The following SEL1L3 variants were observed in gnomAD, a reference collection of about 807,000 sequenced individuals.
SEL1L3 encodes the protein SEL1L family member 3, also known as protein sel-1 homolog 3.
In SEL1L3, 76 loss-of-function variants were observed where a neutral mutation model predicts 142.8. The ratio of observed to expected loss-of-function variants is 0.53; its 90% CI spans 0.44 to 0.64. The LOEUF is 0.64. Among genes scored for constraint, SEL1L3 ranks in the 30% least tolerant of loss-of-function variants. The pLI, the probability that SEL1L3 is intolerant of heterozygous loss-of-function variation, is 0.00. For synonymous variants in SEL1L3, 504 were observed against 519.6 expected (o/e 0.97, Z 0.41); for missense variants, 1,262 against 1,381.7 (o/e 0.91, Z 1.37).
chr4:25,768,089 C>T (rs759018541), intron 17 of SEL1L3, among the ~76,000 whole-genome samples: 1 of 152,164 alleles, frequency 6.6e-6, no homozygotes, highest in South Asian at 2.1e-4. Flanking sequence ...AAGGGCATGT[C>T]GGATGTTGGC....
At chr4:25,770,714 T>C (rs1719101842) in intron 17 of SEL1L3, among the ~76,000 whole-genome samples, 2 of 125,976 alleles carry the variant, frequency 1.6e-5, no homozygotes. Context: ...TACTCCAGCC[T>C]GGGCAACAGA....
intron 23 of SEL1L3, among the ~76,000 whole-genome samples, chr4:25,755,009 A>G (rs1370729749): frequency 1.3e-5 from 2 of 152,130 alleles, no homozygotes; most frequent in African/African-American, 4.8e-5. Flanking sequence ...GATGACAATC[A>G]CTGTTTTAAA....
At chr4:25,740,046 G>A in the SEL1L3 span, among the ~76,000 whole-genome samples, 17 of 150,140 alleles carry the variant, frequency 1.1e-4, no homozygotes, top group African/African-American at 3.2e-4. Flanking sequence ...GATCCTCCCC[G>A]CTCAGCCTCC....
chr4:25,769,252 AG>A (rs1187146999), intron 17 of SEL1L3, among the ~76,000 whole-genome samples: 1 of 152,234 alleles, frequency 6.6e-6, no homozygotes, highest in Non-Finnish European at 1.5e-5. Context: ...AGCTTCTGGC[AG>A]GCAATCCCTT....
intron 4 of SEL1L3, 87 bp from the exon 5 acceptor site, chr4:25,833,197 A>G: frequency 1.2e-6 from 1 of 839,742 alleles, no homozygotes. Context: ...AATTGTCCTA[A>G]GAAGCTACAA....
In SEL1L3 at chr4:25,819,862, T is replaced by C. The variant is rs767070478; in HGVS notation, c.1369A>G (p.Ile457Val). 28 of 1,613,602 alleles carry C rather than the reference T, an allele frequency of 1.7e-5. No homozygotes were observed. Among genetic ancestry groups the C allele is most frequent in the East Asian group, 1.6e-4 (7 of 44,882 alleles). Residue 457 changes from isoleucine (I) to valine (V), a missense_variant, in exon 8 of 24, where the codon ATA becomes GTA. Around this residue, in one of 3 missense-constraint regions of SEL1L3, gnomAD observed 689 missense variants for 692.8 expected, o/e 0.99. Coordinates refer to ENST00000399878, the MANE Select transcript of SEL1L3 (RefSeq NM_015187.5). ...YYERCAEVQE[I>V]VSVYASAAKH... The stretch of plus-strand genomic sequence containing the variant: ...GCTGCAGATGCATACACAGATACTA[T>C]TTCTTGAACCTCAGCACACCTTTCA...
At chr4:25,784,525 G>A (rs1711648685) in intron 13 of SEL1L3, among the ~76,000 whole-genome samples, 1 of 152,168 alleles carries the variant, frequency 6.6e-6, no homozygotes, top group Non-Finnish European at 1.5e-5. Context: ...AGCAGTAATC[G>A]CTGTGTCAGT....
chr4:25,825,666 ATTTTTTTT>A (rs33997941), intron 6 of SEL1L3, among the ~76,000 whole-genome samples: 9 of 74,052 alleles, frequency 1.2e-4, no homozygotes, highest in Admixed American at 1.1e-3. Context: ...TCTAAATTCT[ATTTTTTTT>A]TTTTTTTTTT....
At chr4:25,739,283 G>A in the SEL1L3 span, among the ~76,000 whole-genome samples, 1 of 152,160 alleles carries the variant, frequency 6.6e-6, no homozygotes, top group East Asian at 1.9e-4. Flanking sequence ...AACTGAGTGG[G>A]TGCTACTGGT....
At chr4:25,756,170 A>G (rs1560276038) in intron 23 of SEL1L3, 1 of 985,326 alleles carries the variant, frequency 1.0e-6, no homozygotes, top group African/African-American at 1.7e-5. Flanking sequence ...TGCCATGTCC[A>G]GTCCTAATCT....
chr4:25,848,018 T>G (rs776157186), intron 1 of SEL1L3, among the ~76,000 whole-genome samples, 154 bp from the exon 2 acceptor site: 1 of 152,136 alleles, frequency 6.6e-6, no homozygotes, highest in Non-Finnish European at 1.5e-5. Flanking sequence ...AAACCACTAC[T>G]GAAGAATTGG....
At chr4:25,783,110 A>G (rs7667794) in intron 14 of SEL1L3, among the ~76,000 whole-genome samples, 37,179 of 152,198 alleles carry the variant, frequency 0.24, 4,686 homozygotes, top group Admixed American at 0.33. Context: ...TCAATTCACT[A>G]CTAGGATGGC....
chr4:25,719,092 T>A, the SEL1L3 span: 1 of 152,202 alleles, frequency 6.6e-6, no homozygotes, highest in African/African-American at 2.4e-5. Flanking sequence ...AAGAGAATCG[T>A]TTGAACCCGG....
At chr4:25,784,207 C>G (rs1454040499) in intron 14 of SEL1L3, 21 bp downstream of exon 14, 4 of 1,599,862 alleles carry the variant, frequency 2.5e-6, no homozygotes, top group Non-Finnish European at 3.4e-6. Context: ...CTGTTTCCCT[C>G]TGACAATATG....
chr4:25,774,310 G>A (rs1719447615), intron 17 of SEL1L3, among the ~76,000 whole-genome samples: 1 of 152,088 alleles, frequency 6.6e-6, no homozygotes, highest in Non-Finnish European at 1.5e-5. Context: ...GAAACCTGTG[G>A]CCAGGCAACC....
chr4:25,714,810 G>A, the SEL1L3 span, among the ~76,000 whole-genome samples: 5 of 151,926 alleles, frequency 3.3e-5, no homozygotes, highest in Non-Finnish European at 5.9e-5. Flanking sequence ...GGCCTTAAGT[G>A]ATCTGCCTGC....
At chr4:25,721,425 A>G in the SEL1L3 span, among the ~76,000 whole-genome samples, 1 of 152,076 alleles carries the variant, frequency 6.6e-6, no homozygotes, top group African/African-American at 2.4e-5. Context: ...CTGCCAGGAT[A>G]CCCACAGCGG....
the SEL1L3 span, among the ~76,000 whole-genome samples, chr4:25,735,397 T>G: frequency 1.3e-5 from 2 of 152,138 alleles, no homozygotes; most frequent in Non-Finnish European, 2.9e-5. Flanking sequence ...CTCCTTTTTA[T>G]TCTTGATATT....
At chr4:25,787,187 T>C (rs1220197396) in intron 13 of SEL1L3, among the ~76,000 whole-genome samples, 1 of 152,248 alleles carries the variant, frequency 6.6e-6, no homozygotes, top group African/African-American at 2.4e-5. Flanking sequence ...AAAACCTTTC[T>C]CTGTGCCTTT....
Sources: allele counts gnomAD v4.1 joint callset (sites outside exome capture counted in the v4.1 genomes callset), GRCh38; gene constraint gnomAD v4.1.1; regional missense constraint gnomAD v4.1.1; transcripts MANE v1.5; gene names NCBI Gene and HGNC (gene_info 2026-07-23, HGNC 2026-07-21).